Variants in EAF2 observed in about 807,000 individuals in gnomAD.
EAF2 encodes ELL-associated factor 2.
In EAF2, 29 loss-of-function variants were observed where a neutral mutation model predicts 29.4. That is an observed-to-expected ratio of 0.99 (90% CI 0.73 to 1.35). EAF2 has a LOEUF of 1.35. Ranked by LOEUF, EAF2 falls within the 40% of genes most tolerant of loss-of-function variation. The pLI is 0.00. For missense variants in EAF2, 292 were observed against 312.0 expected (o/e 0.94, Z 0.48); for synonymous variants, 103 against 102.5 (o/e 1.00, Z -0.03).
intron 4 of EAF2, among the ~76,000 whole-genome samples, chr3:121,867,971 A>C (rs1040022084): frequency 2.6e-5 from 4 of 152,238 alleles, no homozygotes; most frequent in African/African-American, 9.6e-5. Context: ...TTGAGATGGC[A>C]TTCTAAAATG....
chr3:121,867,550 G>A (rs762749741), intron 4 of EAF2, among the ~76,000 whole-genome samples: 1 of 152,192 alleles, frequency 6.6e-6, no homozygotes, highest in Non-Finnish European at 1.5e-5. Flanking sequence ...CTACCAAAAT[G>A]ATTCTTCAGT....
intron 4 of EAF2, among the ~76,000 whole-genome samples, chr3:121,861,994 T>C (rs1243988273): frequency 6.6e-6 from 1 of 152,242 alleles, no homozygotes; most frequent in Non-Finnish European, 1.5e-5. Context: ...TGTTGAATAT[T>C]GGCCCCCATG....
In EAF2 at chr3:121,840,495, AAAAAAAAAAAAAAG is replaced by A. The variant is rs1553725701; in HGVS notation, c.107-3945_107-3932del. On this transcript the variant is annotated intron_variant, in intron 1 of 5. Coordinates refer to ENST00000273668, the MANE Select transcript of EAF2 (RefSeq NM_018456.6). ...ACAGAGGGAGACTTCGTCTAAAAAA[AAAAAAAAAAAAAAG>A]AAAAAAAAAAAACGGGCCGGGTGCG... Among the ~76,000 whole-genome samples, 269 of 74,340 alleles carry A rather than the reference AAAAAAAAAAAAAAG, an allele frequency of 3.6e-3. 5 individuals carry two copies. The highest frequency in any genetic ancestry group is 5.7e-3 in the African/African-American group (104 of 18,352). The allele number at this position is 74,340 out of a possible 152,430, so 48.8% of individuals were successfully genotyped here.
intron 5 of EAF2, among the ~76,000 whole-genome samples, chr3:121,885,554 C>T (rs1709268445): frequency 6.6e-6 from 1 of 152,198 alleles, no homozygotes; most frequent in African/African-American, 2.4e-5. Flanking sequence ...TGTTATCTTC[C>T]TTATTCATTC....
chr3:121,848,873 T>A (rs558436477), intron 2 of EAF2, among the ~76,000 whole-genome samples: 6 of 128,614 alleles, frequency 4.7e-5, no homozygotes, highest in African/African-American at 1.8e-4. Context: ...AGGGTTATTT[T>A]AAAAGCCCCC....
intron 2 of EAF2, 44 bp downstream of exon 2, chr3:121,844,591 C>T: frequency 7.8e-7 from 1 of 1,285,312 alleles, no homozygotes; most frequent in Admixed American, 2.1e-5. Context: ...TTGTGGGATT[C>T]TCAGTAAATT....
At chr3:121,848,071 G>T (rs745354523) in intron 2 of EAF2, among the ~76,000 whole-genome samples, 93 of 152,162 alleles carry the variant, frequency 6.1e-4, no homozygotes, top group Non-Finnish European at 1.2e-3. Flanking sequence ...CAACATCTAA[G>T]CTTTATGAAT....
chr3:121,849,402 C>A (rs1378691102), intron 2 of EAF2, among the ~76,000 whole-genome samples: 2 of 152,132 alleles, frequency 1.3e-5, no homozygotes, highest in African/African-American at 4.8e-5. Flanking sequence ...ACAAACAGTT[C>A]TCCATGATTG....
At chr3:121,857,218 G>T in intron 4 of EAF2, 62 bp downstream of exon 4, 1 of 1,460,880 alleles carries the variant, frequency 6.8e-7, no homozygotes, top group East Asian at 2.4e-5. Flanking sequence ...TTAAGGCCAG[G>T]CATGGTGGCT....
At chr3:121,854,638 T>C (rs1708686911) in intron 2 of EAF2, 49 bp from the exon 3 acceptor site, 3 of 1,418,962 alleles carry the variant, frequency 2.1e-6, no homozygotes, top group Non-Finnish European at 2.8e-6. Flanking sequence ...CCTTCCCAAG[T>C]GAATTCCTAT....
At chr3:121,845,019 G>A (rs747190594) in intron 2 of EAF2, among the ~76,000 whole-genome samples, 20 of 152,108 alleles carry the variant, frequency 1.3e-4, no homozygotes, top group Admixed American at 5.2e-4. Context: ...AGCCTTTAAA[G>A]GACAAGTAAG....
At chr3:121,840,988 A>G (rs1275526106) in intron 1 of EAF2, among the ~76,000 whole-genome samples, 1 of 152,138 alleles carries the variant, frequency 6.6e-6, no homozygotes, top group Admixed American at 6.5e-5. Context: ...TCAAATTCTA[A>G]GAGAGCAAAA....
At chr3:121,882,185 C>T (rs1218520785) in intron 5 of EAF2, among the ~76,000 whole-genome samples, 1 of 151,800 alleles carries the variant, frequency 6.6e-6, no homozygotes, top group Non-Finnish European at 1.5e-5. Context: ...CCTGTCTCTA[C>T]TAAAAATACA....
chr3:121,851,998 A>G (rs1470417045), intron 2 of EAF2, among the ~76,000 whole-genome samples: 1 of 152,208 alleles, frequency 6.6e-6, no homozygotes, highest in Non-Finnish European at 1.5e-5. Flanking sequence ...GAAAGTTTAC[A>G]TTTATAAAAC....
At position 121,872,681 on chromosome 3, in the gene EAF2, G is replaced by C. The variant is rs1576654703; in HGVS notation, c.629G>C (p.Gly210Ala). Reference protein sequence around the residue: ...EDCKSSTSDTGNCVSGHPTMT... With the variant: ...EDCKSSTSDTANCVSGHPTMT... ...TGCAAATCCTCTACTTCTGATACAG[G>C]GAATTGTGTCTCAGGACATCCTACC... Residue 210 changes from glycine (G) to alanine (A), a missense_variant, in exon 5 of 6, where the codon GGG becomes GCG. Gly to Ala is a moderately conservative substitution (Grantham distance 60). Transcript: ENST00000273668. The C allele has an allele frequency of 1.2e-6, 2 of 1,612,700 alleles. No homozygotes were observed. The highest frequency in any genetic ancestry group is 2.7e-5 in the African/African-American group (2 of 74,804).
chr3:121,881,867 G>A (rs1046838839), intron 5 of EAF2, among the ~76,000 whole-genome samples: 1 of 151,968 alleles, frequency 6.6e-6, no homozygotes, highest in Non-Finnish European at 1.5e-5. Flanking sequence ...GGAACGGATG[G>A]TTTTGTAGAA....
intron 3 of EAF2, among the ~76,000 whole-genome samples, chr3:121,855,729 G>C (rs1050884542): frequency 6.6e-6 from 1 of 152,128 alleles, no homozygotes; most frequent in African/African-American, 2.4e-5. Context: ...GTTTGTCTCT[G>C]TACCTGTGTA....
At chr3:121,859,660 G>C (rs1576647021) in intron 4 of EAF2, among the ~76,000 whole-genome samples, 2 of 151,986 alleles carry the variant, frequency 1.3e-5, no homozygotes, top group Non-Finnish European at 2.9e-5. Flanking sequence ...AATACCCTTT[G>C]TTTCTTTCTC....
chr3:121,861,738 GT>G (rs1294298054), intron 4 of EAF2, among the ~76,000 whole-genome samples: 1 of 152,060 alleles, frequency 6.6e-6, no homozygotes, highest in Non-Finnish European at 1.5e-5. Context: ...TATTTTGCTC[GT>G]TAGTTTATGT....
Sources: gnomAD v4.1 joint callset for allele counts (sites outside exome capture counted in the v4.1 genomes callset) on GRCh38, gnomAD v4.1.1 for gene constraint, MANE v1.5 for transcripts, NCBI Gene and HGNC (gene_info 2026-07-23, HGNC 2026-07-21) for gene names.